MATN2: variants seen among roughly 807,000 people sequenced by gnomAD.
MATN2 encodes matrilin 2, also known as matrilin-2.
MATN2 carries 69 observed loss-of-function variants against 103.2 expected under a neutral mutation model. The ratio of observed to expected loss-of-function variants is 0.67; its 90% CI spans 0.55 to 0.82. The LOEUF (loss-of-function observed/expected upper bound fraction) is 0.82, where lower values mean the gene tolerates loss of function less well. Ranked by LOEUF, MATN2 falls within the 40% of genes least tolerant of loss-of-function variation. The pLI, the probability that MATN2 is intolerant of heterozygous loss-of-function variation, is 0.00. For missense variants in MATN2, 1,023 were observed against 1,211.5 expected, an observed-to-expected ratio of 0.84 and a Z score of 2.31; for synonymous variants, 429 against 450.2, an observed-to-expected ratio of 0.95 and a Z score of 0.60.
intron 2 of MATN2, among the ~76,000 whole-genome samples, chr8:97,911,444 C>T (rs923213284): frequency 2.6e-5 from 4 of 152,032 alleles, no homozygotes; most frequent in Admixed American, 2.6e-4. Flanking sequence ...TGCCGTGGCT[C>T]ACACCTGTAA....
intron 4 of MATN2, among the ~76,000 whole-genome samples, chr8:97,954,742 A>G (rs1302816026): frequency 1.3e-5 from 2 of 152,224 alleles, no homozygotes; most frequent in Non-Finnish European, 2.9e-5. Context: ...GTCATCCACA[A>G]ATCAGCCACA....
chr8:97,962,269 T>C (rs1224993238), intron 5 of MATN2, among the ~76,000 whole-genome samples: 1 of 152,236 alleles, frequency 6.6e-6, no homozygotes, highest in Non-Finnish European at 1.5e-5. Flanking sequence ...TTGACTGACA[T>C]CAAAACTGGA....
chr8:97,893,017 A>G (rs1334596576), intron 2 of MATN2, among the ~76,000 whole-genome samples: 1 of 152,166 alleles, frequency 6.6e-6, no homozygotes, highest in African/African-American at 2.4e-5. Flanking sequence ...GCAATAATTT[A>G]GGACCTCGAG....
chr8:97,922,501 T>G (rs1809845923), intron 2 of MATN2, among the ~76,000 whole-genome samples: 1 of 152,236 alleles, frequency 6.6e-6, no homozygotes. Context: ...TGGGTAAAAT[T>G]GAGTACTTCA....
chr8:97,945,735 T>TATATATATATAA (rs1412286321), intron 4 of MATN2, among the ~76,000 whole-genome samples: 1 of 147,060 alleles, frequency 6.8e-6, no homozygotes, highest in African/African-American at 2.5e-5. Flanking sequence ...TATATATATA[T>TATATATATATAA]AATCTCCCCA....
At chr8:97,888,660 A>ATTGTGAG (rs1818526804) in intron 2 of MATN2, among the ~76,000 whole-genome samples, 1 of 152,016 alleles carries the variant, frequency 6.6e-6, no homozygotes, top group Non-Finnish European at 1.5e-5. Flanking sequence ...GACATTGTGA[A>ATTGTGAG]CTGAATCGAG....
At chr8:98,004,331 C>A (rs570432348) in intron 8 of MATN2, 1 of 162,132 alleles carries the variant, frequency 6.2e-6, no homozygotes, top group Non-Finnish European at 1.4e-5. Flanking sequence ...TAGAACAGCA[C>A]TGCTAGGCAT....
intron 4 of MATN2, among the ~76,000 whole-genome samples, chr8:97,945,853 T>C (rs1810738201): frequency 6.6e-6 from 1 of 151,998 alleles, no homozygotes; most frequent in Admixed American, 6.6e-5. Context: ...CTTCCTCTCT[T>C]ATGGAACTTC....
chr8:98,022,959 G>A (rs1434291615), intron 13 of MATN2, among the ~76,000 whole-genome samples: 1 of 152,170 alleles, frequency 6.6e-6, no homozygotes, highest in South Asian at 2.1e-4. Flanking sequence ...GTGGTGGCAC[G>A]CATCTATAAT....
At chr8:97,922,941 G>T (rs903229776) in intron 2 of MATN2, among the ~76,000 whole-genome samples, 1 of 152,072 alleles carries the variant, frequency 6.6e-6, no homozygotes, top group African/African-American at 2.4e-5. Context: ...GTATCCCCAG[G>T]CCCTGGCATA....
intron 4 of MATN2, among the ~76,000 whole-genome samples, chr8:97,944,202 C>T (rs1019760036): frequency 6.6e-6 from 1 of 152,226 alleles, no homozygotes; most frequent in Non-Finnish European, 1.5e-5. Context: ...CTTCTGGGCT[C>T]ACCCGCAGAG....
At position 98,007,867 on chromosome 8, in the gene MATN2, C is replaced by T. The variant is rs1241616495; in HGVS notation, c.1573+266C>T. On this transcript the variant is annotated intron_variant, in intron 10 of 18. Coordinates refer to ENST00000254898, the MANE Select transcript of MATN2 (RefSeq NM_002380.5). This position sits in a 1 kb window ranked among gnomAD's most constrained non-coding sequence, Gnocchi z 4.2. ...TGAAGCTGGACAGAGCCCTTGTCCT[C>T]AGCTCTCTCTGCTCTACCCCCAGCC... 2.0e-5 allele frequency among the ~76,000 whole-genome samples: 3 copies of T among 152,186 alleles called. No individual in the cohort carries two copies. The highest frequency in any genetic ancestry group is 6.5e-5 in the Admixed American group (1 of 15,282).
intron 5 of MATN2, among the ~76,000 whole-genome samples, chr8:97,963,002 G>T (rs1369842521): frequency 1.3e-5 from 2 of 152,202 alleles, no homozygotes; most frequent in Non-Finnish European, 2.9e-5. Context: ...GGGTCTGGTA[G>T]TGTGCCCCTG....
At chr8:98,034,358 C>T (rs1814158184) in intron 18 of MATN2, 1 of 351,806 alleles carries the variant, frequency 2.8e-6, no homozygotes, top group Non-Finnish European at 5.7e-6. Context: ...TTACAGTAAG[C>T]GTACTAAAGC....
chr8:97,906,047 A>T (rs775815428), intron 2 of MATN2, among the ~76,000 whole-genome samples: 21 of 152,194 alleles, frequency 1.4e-4, no homozygotes, highest in Non-Finnish European at 2.5e-4. Flanking sequence ...TTTTGGATAT[A>T]TACTAAGGAG....
chr8:97,987,776 G>A (rs1812244067), intron 6 of MATN2, among the ~76,000 whole-genome samples: 2 of 152,074 alleles, frequency 1.3e-5, no homozygotes, highest in Admixed American at 6.5e-5. Flanking sequence ...GAACAGGGAA[G>A]TTAACATGTC....
intron 10 of MATN2, among the ~76,000 whole-genome samples, chr8:98,008,166 G>A (rs1813037101): frequency 6.6e-6 from 1 of 151,936 alleles, no homozygotes; most frequent in South Asian, 2.1e-4. Flanking sequence ...ACAGCACATG[G>A]TGAGGCTGGC....
At chr8:97,903,903 G>T (rs1485184432) in intron 2 of MATN2, among the ~76,000 whole-genome samples, 1 of 152,146 alleles carries the variant, frequency 6.6e-6, no homozygotes, top group Non-Finnish European at 1.5e-5. Context: ...GCATGATAAT[G>T]AACTCTTCCT....
intron 6 of MATN2, among the ~76,000 whole-genome samples, chr8:97,993,238 C>T (rs1812458518): frequency 6.6e-6 from 1 of 152,060 alleles, no homozygotes; most frequent in African/African-American, 2.4e-5. Context: ...CAGTTTGTTT[C>T]CTCTGGTATG....
Sources: gnomAD v4.1 joint callset for allele counts (sites outside exome capture counted in the v4.1 genomes callset) on GRCh38, gnomAD v4.1.1 for gene constraint, Gnocchi (gnomAD v3.1) non-coding constraint, MANE v1.5 for transcripts, NCBI Gene and HGNC (gene_info 2026-07-23, HGNC 2026-07-21) for gene names.